The following SLC17A8 variants were observed in gnomAD, a reference collection of about 807,000 sequenced individuals.
SLC17A8 encodes the protein vesicular glutamate transporter 3.
Under a neutral mutation model 58.0 loss-of-function variants are expected in SLC17A8, and 31 were observed. That is an observed-to-expected ratio of 0.53 (90% CI 0.40 to 0.72). The LOEUF is 0.72. Ranked by LOEUF, SLC17A8 falls within the 30% of genes least tolerant of loss-of-function variation. The pLI is 0.00. For missense variants in SLC17A8, 655 were observed against 727.8 expected, an observed-to-expected ratio of 0.90 and a Z score of 1.15; for synonymous variants, 228 against 249.0, an observed-to-expected ratio of 0.92 and a Z score of 0.79.
intron 1 of SLC17A8, among the ~76,000 whole-genome samples, chr12:100,368,230 C>G (rs957874943): frequency 3.3e-5 from 5 of 152,208 alleles, no homozygotes; most frequent in African/African-American, 1.2e-4. Flanking sequence ...CTTAAGGAGG[C>G]CTCATGCTTG....
At chr12:100,402,569 A>G (rs1185356137) in intron 7 of SLC17A8, 27 bp from the exon 8 acceptor site, 1 of 1,613,328 alleles carries the variant, frequency 6.2e-7, no homozygotes, top group Admixed American at 1.7e-5. Flanking sequence ...TCTTTACTAA[A>G]AATATCATGG....
chr12:100,364,859 T>G lies in SLC17A8; in HGVS notation c.101+7367T>G, dbSNP rs1486019168. On this transcript the variant is annotated intron_variant, in intron 1 of 11. Transcript: ENST00000323346. ...CTCAAAACTCTGCCTATTGGGAGGC[T>G]TTCCCCCTCACTGTCCTTCAGGGCC... Among the ~76,000 whole-genome samples the G allele has an allele frequency of 4.6e-5, 7 of 152,212 alleles. No homozygotes were observed. In the East Asian group the frequency reaches 9.6e-4, roughly 21 times the overall value.
At chr12:100,366,050 C>CTTTTTTTTTTTTTT (rs67071341) in intron 1 of SLC17A8, among the ~76,000 whole-genome samples, 1 of 90,866 alleles carries the variant, frequency 1.1e-5, no homozygotes, top group African/African-American at 4.5e-5. Flanking sequence ...GTGATCCCTT[C>CTTTTTTTTTTTTTT]TTTTTTTTTT....
chr12:100,382,468 T>C (rs1449233560), intron 2 of SLC17A8, among the ~76,000 whole-genome samples: 1 of 152,204 alleles, frequency 6.6e-6, no homozygotes, highest in East Asian at 1.9e-4. Flanking sequence ...GTCTGCCCAG[T>C]GGACACCCCA....
chr12:100,409,460 A>T (rs1251532242), intron 9 of SLC17A8, among the ~76,000 whole-genome samples: 1 of 152,228 alleles, frequency 6.6e-6, no homozygotes, highest in Non-Finnish European at 1.5e-5. Context: ...AGCTGGAATT[A>T]TAGGTGTGCA....
At chr12:100,384,544 G>A (rs191430371) in intron 2 of SLC17A8, among the ~76,000 whole-genome samples, 2 of 152,282 alleles carry the variant, frequency 1.3e-5, no homozygotes, top group East Asian at 3.9e-4. Context: ...GTAGTGAGTC[G>A]AGATGTGTGA....
intron 1 of SLC17A8, among the ~76,000 whole-genome samples, chr12:100,362,639 A>G (rs952770645): frequency 2.0e-5 from 3 of 152,126 alleles, no homozygotes; most frequent in East Asian, 1.9e-4. Flanking sequence ...TATGGTGTCT[A>G]TGACAGCCCA....
At chr12:100,389,549 T>C (rs953486466) in intron 2 of SLC17A8, among the ~76,000 whole-genome samples, 23 of 151,978 alleles carry the variant, frequency 1.5e-4, no homozygotes, top group African/African-American at 5.3e-4. Flanking sequence ...ATTGCTATTT[T>C]GTGTTTTTTC....
rs1167135074 is a variant in SLC17A8 at position 100,380,917 on chromosome 12, T to C, written c.318T>C (p.Asn106=). The C allele has an allele frequency of 3.1e-6, 5 of 1,614,036 alleles. No individual in the cohort carries two copies. The African/African-American group carries it at 4.0e-5, about 13-fold the overall frequency. ...TTGCCATTGTGGAAATGGTCAACAA[T>C]AGCACCGTATATGTTGATGGAAAAC... ...LGVAIVEMVN[N]STVYVDGKPE... Residue 106 remains asparagine (N), a synonymous_variant, in exon 2 of 12, where the codon AAT becomes AAC. Coordinates refer to ENST00000323346, the MANE Select transcript of SLC17A8 (RefSeq NM_139319.3).
At chr12:100,371,032 T>C (rs764195492) in intron 1 of SLC17A8, among the ~76,000 whole-genome samples, 19 of 152,226 alleles carry the variant, frequency 1.2e-4, no homozygotes, top group Non-Finnish European at 2.2e-4. Flanking sequence ...GTGCACTTTA[T>C]TGAGCTCCTT....
intron 1 of SLC17A8, among the ~76,000 whole-genome samples, chr12:100,372,658 A>C (rs576436476): frequency 5.3e-5 from 8 of 152,340 alleles, no homozygotes; most frequent in African/African-American, 1.9e-4. Flanking sequence ...ACTTCAACAC[A>C]TGAATTTTGG....
intron 9 of SLC17A8, among the ~76,000 whole-genome samples, chr12:100,410,248 C>A (rs180886316): frequency 8.3e-4 from 127 of 152,270 alleles, no homozygotes; most frequent in African/African-American, 2.7e-3. Context: ...GTAATCCCAG[C>A]ACTTTGGGAG....
intron 4 of SLC17A8, 76 bp from the exon 5 acceptor site, chr12:100,396,254 G>T: frequency 8.7e-7 from 1 of 1,153,144 alleles, no homozygotes; most frequent in Non-Finnish European, 1.3e-6. Flanking sequence ...CCTGTGTGAA[G>T]AAGCAGCATC....
intron 2 of SLC17A8, 53 bp from the exon 3 acceptor site, chr12:100,390,948 G>A (rs200832399): frequency 8.3e-7 from 1 of 1,206,430 alleles, no homozygotes; most frequent in Non-Finnish European, 1.2e-6. Flanking sequence ...GGTAAAAAAT[G>A]GTTGTCAGCC....
chr12:100,420,639 C>T lies in SLC17A8; in HGVS notation c.*480C>T, dbSNP rs118030087. 605 of 162,896 alleles carry T rather than the reference C, an allele frequency of 3.7e-3. No homozygotes were observed. Among genetic ancestry groups the T allele is most frequent in the Non-Finnish European group, 6.3e-3 (459 of 73,400 alleles). 10.1% of individuals were successfully genotyped at this position (162,896 alleles called of 1,614,324 possible). A position where few individuals can be genotyped will look rare whatever the true frequency, so the allele number is the denominator to read the frequency against. On this transcript the variant is annotated 3_prime_UTR_variant, in exon 12 of 12. Transcript: ENST00000323346. ...TTAATCTCCACACCTTTATGACACACATTTCTTATCCCCATTTTACAACCA... is the reference window on the plus strand; with the variant it reads ...TTAATCTCCACACCTTTATGACACATATTTCTTATCCCCATTTTACAACCA...
intron 10 of SLC17A8, among the ~76,000 whole-genome samples, chr12:100,417,143 T>TGATC (rs1244237073): frequency 9.9e-5 from 15 of 152,190 alleles, no homozygotes; most frequent in Admixed American, 2.0e-4. Flanking sequence ...TGACCTCAGG[T>TGATC]GATCCACCCG....
chr12:100,412,868 T>G lies in SLC17A8; in HGVS notation c.1285T>G (p.Phe429Val), dbSNP rs1305538062. The change falls in exon 10 of 12, where the codon TTC becomes GTC. Residue 429 changes from phenylalanine to valine, a missense_variant. Phe to Val is a conservative substitution (Grantham distance 50). Transcript: ENST00000323346. ...GGTACTTGCTGTAGGATTTAGTGGC[T>G]TCGCTATTTCAGGTAATGTGTCCTT... ...FLVLAVGFSG[F>V]AISGFNVNHL... 1 of 1,613,468 alleles carries G rather than the reference T, an allele frequency of 6.2e-7. No homozygotes were observed. Among genetic ancestry groups the G allele is most frequent in the Non-Finnish European group, 8.5e-7 (1 of 1,179,398 alleles).
intron 1 of SLC17A8, among the ~76,000 whole-genome samples, chr12:100,377,679 C>T (rs1044604811): frequency 6.6e-6 from 1 of 150,736 alleles, no homozygotes; most frequent in Non-Finnish European, 1.5e-5. Flanking sequence ...GCCTCCGCCT[C>T]CCAGATTCAA....
intron 2 of SLC17A8, among the ~76,000 whole-genome samples, chr12:100,389,804 G>GTAT (rs144239177): frequency 0.038 from 5,347 of 142,324 alleles, 198 homozygotes; most frequent in East Asian, 0.19. Context: ...GGCTAGATTT[G>GTAT]TATTATTATT....
Sources: allele counts gnomAD v4.1 joint callset (sites outside exome capture counted in the v4.1 genomes callset), GRCh38; gene constraint gnomAD v4.1.1; transcripts MANE v1.5; gene names NCBI Gene and HGNC (gene_info 2026-07-23, HGNC 2026-07-21).